ZNF76: variants seen among roughly 807,000 people sequenced by gnomAD.
ZNF76 encodes the protein zinc finger protein 523.
Under a neutral mutation model 66.9 loss-of-function variants are expected in ZNF76, and 66 were observed. The observed-to-expected ratio is 0.99, with a 90% CI of 0.81 to 1.21. ZNF76 has a LOEUF of 1.21. Ranked by LOEUF, ZNF76 falls within the 50% of genes most tolerant of loss-of-function variation. The pLI is 0.00. For missense variants in ZNF76, 729 were observed against 760.3 expected (o/e 0.96, Z 0.48); for synonymous variants, 275 against 296.1 (o/e 0.93, Z 0.73).
rs927768976 is a variant in ZNF76 at position 35,295,566 on chromosome 6, C to A, written c.*318C>A. On this transcript the variant is annotated 3_prime_UTR_variant, in exon 14 of 14. Transcript: ENST00000373953. ...ACACCCTTCTGGCCCTCAGTCTGTTCCCCTTCTCAGGTAGAGATTGGGGCT... is the reference window on the plus strand; with the variant it reads ...ACACCCTTCTGGCCCTCAGTCTGTTACCCTTCTCAGGTAGAGATTGGGGCT... 7.9e-6 allele frequency: 3 copies of A among 378,998 alleles called. No homozygotes were observed. The Admixed American group carries it at 1.1e-4, about 14-fold the overall frequency. The allele number at this position is 378,998 out of a possible 1,614,324, so 23.5% of individuals were successfully genotyped here. A position where few individuals can be genotyped will look rare whatever the true frequency, so the allele number is the denominator to read the frequency against.
chr6:35,277,827 G>A lies in ZNF76; in HGVS notation c.-96-3229G>A, dbSNP rs371687046. On this transcript the variant is annotated intron_variant, in intron 1 of 13. Transcript: ENST00000373953. Reference sequence around the variant, plus strand: ...CCTGGGGTAGAGCATTCCAATCAGCGTGTCGCAGTTGGTCTATAGGTTTTT... The same window carrying A: ...CCTGGGGTAGAGCATTCCAATCAGCATGTCGCAGTTGGTCTATAGGTTTTT... 1.6e-4 allele frequency among the ~76,000 whole-genome samples: 24 copies of A among 152,288 alleles called. No homozygotes were observed. The South Asian group carries it at 4.4e-3, about 28-fold the overall frequency.
intron 12 of ZNF76, 30 bp from the exon 13 acceptor site, chr6:35,294,426 T>C (rs1352897003): frequency 2.1e-6 from 3 of 1,457,878 alleles, no homozygotes; most frequent in Middle Eastern, 1.8e-4. Flanking sequence ...ATACTGCAGG[T>C]GGAATGGAAG....
At chr6:35,291,800 C>T (rs766732738) in intron 9 of ZNF76, 63 bp downstream of exon 9, 26 of 1,571,794 alleles carry the variant, frequency 1.7e-5, no homozygotes, top group Non-Finnish European at 2.2e-5. Flanking sequence ...CTGTAGGCTT[C>T]CCATCTAAGA....
At position 35,291,730 on chromosome 6, in the gene ZNF76, C is replaced by T. The variant is rs1290916391; in HGVS notation, c.924C>T (p.Ile308=). 2.5e-6 allele frequency: 4 copies of T among 1,607,932 alleles called. No individual in the cohort carries two copies. The highest frequency in any genetic ancestry group is 2.7e-5 in the African/African-American group (2 of 74,922). Residue 308 remains isoleucine, a synonymous_variant, in exon 9 of 14, where the codon ATC becomes ATT. Coordinates refer to ENST00000373953, the MANE Select transcript of ZNF76 (RefSeq NM_003427.5). Reference sequence around the variant, plus strand: ...CCAACTATAAGAATCACGTGCGCATCCACACAGGTGGGCTAGCTGGCATGC... The same window carrying T: ...CCAACTATAAGAATCACGTGCGCATTCACACAGGTGGGCTAGCTGGCATGC... The part of the protein sequence containing the change: ...SATNYKNHVR[I]HTGEKPYVCT...
chr6:35,290,685 CTT>C lies in ZNF76; in HGVS notation c.595_596del (p.Phe199ProfsTer23). On this transcript the variant is annotated frameshift_variant, in exon 7 of 14. Transcript: ENST00000373953. LOFTEE classifies it high-confidence loss of function. ...HTGDRPYRCD[F>X]PSCGKAFATG... Reference sequence around the variant, plus strand: ...CAGGTGACCGTCCATACAGATGTGACTTCCCCAGCTGTGGAAAGGCCTTTGCC... The same window carrying C: ...CAGGTGACCGTCCATACAGATGTGACCCCCAGCTGTGGAAAGGCCTTTGCC... 3 of 1,614,252 alleles carry C rather than the reference CTT, an allele frequency of 1.9e-6. No individual in the cohort carries two copies. Among genetic ancestry groups the C allele is most frequent in the Non-Finnish European group, 2.5e-6 (3 of 1,180,040 alleles).
chr6:35,291,478 T>G, intron 8 of ZNF76, 75 bp downstream of exon 8: 1 of 1,610,376 alleles, frequency 6.2e-7, no homozygotes, highest in Non-Finnish European at 8.5e-7. Context: ...GACTTAGACC[T>G]GGAGCCCAGT....
At position 35,291,862 on chromosome 6, in the gene ZNF76, G is replaced by C. The variant is rs557670746; in HGVS notation, c.931+125G>C. On this transcript the variant is annotated intron_variant, in intron 9 of 13. Transcript: ENST00000373953. ...CCTTCTGTGCCAGCCATTCCAGGCT[G>C]GTCTGGGGGTAGGGTATCCCCAGAA... is the stretch of plus-strand genomic sequence containing the variant. 5.1e-6 allele frequency: 6 copies of C among 1,182,142 alleles called. No homozygotes were observed. In the African/African-American group the frequency reaches 7.6e-5, roughly 15 times the overall value. 73.2% of individuals were successfully genotyped at this position (1,182,142 alleles called of 1,614,324 possible).
chr6:35,277,208 T>A (rs1306175326), intron 1 of ZNF76, among the ~76,000 whole-genome samples: 1 of 152,072 alleles, frequency 6.6e-6, no homozygotes, highest in Non-Finnish European at 1.5e-5. Context: ...AGCTTGAAGG[T>A]CAGAGCAGAC....
intron 1 of ZNF76, among the ~76,000 whole-genome samples, chr6:35,261,518 G>A (rs902891668): frequency 9.1e-5 from 2 of 21,984 alleles, no homozygotes; most frequent in African/African-American, 1.2e-4. Context: ...TTTTTGTTTG[G>A]TTGGTTGGTT....
chr6:35,292,795 G>T lies in ZNF76; in HGVS notation c.1165+8G>T. ...AGCAGCAGCAACTTGAGGGTAAGGG[G>T]AGTGGGCAGAGGGTGAGAGTGGGGA... On this transcript the variant is annotated splice_region_variant and intron_variant, in intron 10 of 13. Transcript: ENST00000373953. The surrounding 1 kb of genome is among the most constrained non-coding windows in gnomAD (Gnocchi z 4.7). 6.2e-7 allele frequency: 1 copy of T among 1,614,074 alleles called. No individual in the cohort carries two copies. The highest frequency in any genetic ancestry group is 8.5e-7 in the Non-Finnish European group (1 of 1,179,992).
At chr6:35,286,290 C>G in intron 3 of ZNF76, 32 bp from the exon 4 acceptor site, 1 of 1,613,988 alleles carries the variant, frequency 6.2e-7, no homozygotes, top group South Asian at 1.1e-5. Context: ...GCACTGAGCT[C>G]CAGGGAAAGG....
chr6:35,295,264 G>A lies in ZNF76; in HGVS notation c.*16G>A. 6.3e-7 allele frequency: 1 copy of A among 1,581,980 alleles called. No homozygotes were observed. The highest frequency in any genetic ancestry group is 8.6e-7 in the Non-Finnish European group (1 of 1,163,306). On this transcript the variant is annotated 3_prime_UTR_variant, in exon 14 of 14. Transcript: ENST00000373953. The stretch of plus-strand genomic sequence containing the variant: ...TGGCTGCTGAGTCCAAGAGGGCTGG[G>A]TCCCACACCATGCTGGAGGAAGTGC...
In ZNF76 at chr6:35,293,920, G is replaced by C. The variant is rs1371421381; in HGVS notation, c.1494+5G>C. 1.2e-6 allele frequency: 2 copies of C among 1,613,496 alleles called. No homozygotes were observed. Among genetic ancestry groups the C allele is most frequent in the African/African-American group, 2.7e-5 (2 of 75,020 alleles). On this transcript the variant is annotated splice_donor_5th_base_variant and intron_variant, in intron 12 of 13. Transcript: ENST00000373953. The stretch of plus-strand genomic sequence containing the variant: ...GATGGCACCCAGACGCAGCCCGTAT[G>C]ACCAGGCGGTTTGCTTGGGGTTTCT...
chr6:35,287,605 C>A lies in ZNF76; in HGVS notation c.233-41C>A. The A allele has an allele frequency of 1.3e-6, 2 of 1,549,578 alleles. No individual in the cohort carries two copies. The highest frequency in any genetic ancestry group is 1.7e-6 in the Non-Finnish European group (2 of 1,143,366). On this transcript the variant is annotated intron_variant, in intron 4 of 13. Coordinates refer to ENST00000373953, the MANE Select transcript of ZNF76 (RefSeq NM_003427.5). This position sits in a 1 kb window ranked among gnomAD's most constrained non-coding sequence, Gnocchi z 4.0. ...AGCTAGGGTCCCAGCTGTATCTCTT[C>A]CCCTTGTGTGGCATCAGGGCTAACC...
intron 2 of ZNF76, among the ~76,000 whole-genome samples, chr6:35,285,791 AG>A (rs1789473808): frequency 6.6e-6 from 1 of 152,230 alleles, no homozygotes; most frequent in South Asian, 2.1e-4. Context: ...TCCAGGTTTA[AG>A]GGCCATTAGT....
chr6:35,295,198 C>G lies in ZNF76; in HGVS notation c.1663C>G (p.Gln555Glu). 1 of 1,612,002 alleles carries G rather than the reference C, an allele frequency of 6.2e-7. No homozygotes were observed. The highest frequency in any genetic ancestry group is 8.5e-7 in the Non-Finnish European group (1 of 1,179,130). Residue 555 changes from glutamine to glutamate, a missense_variant, in exon 14 of 14, where the codon CAG (glutamine) becomes GAG (glutamate). By Grantham distance (29) the Gln-to-Glu change is conservative (BLOSUM62 2). Transcript: ENST00000373953. ...CATCAATGTGGCCACTGCGGCCATGCAGCAAGGGGCTGTGACCCTGGAGAC... is the reference window on the plus strand; with the variant it reads ...CATCAATGTGGCCACTGCGGCCATGGAGCAAGGGGCTGTGACCCTGGAGAC... ...EAINVATAAM[Q>E]QGAVTLETTV...
chr6:35,264,915 T>C (rs1464698415), intron 1 of ZNF76, among the ~76,000 whole-genome samples: 6 of 151,928 alleles, frequency 3.9e-5, no homozygotes, highest in African/African-American at 1.2e-4. Context: ...GGTGAGGCAG[T>C]AAGGAGGAAA....
intron 1 of ZNF76, among the ~76,000 whole-genome samples, chr6:35,276,790 GGTT>G (rs1562102145): frequency 1.0e-5 from 1 of 97,560 alleles, no homozygotes; most frequent in African/African-American, 3.5e-5. Context: ...TTTATTTATG[GGTT>G]TTTTTTTTTT....
In ZNF76 at chr6:35,292,334, T is replaced by G; in HGVS notation, c.932-220T>G. 1.7e-6 allele frequency: 1 copy of G among 587,850 alleles called. No homozygotes were observed. 36.4% of individuals were successfully genotyped at this position (587,850 alleles called of 1,614,324 possible). On this transcript the variant is annotated intron_variant, in intron 9 of 13. Coordinates refer to ENST00000373953, the MANE Select transcript of ZNF76 (RefSeq NM_003427.5). This position sits in a 1 kb window ranked among gnomAD's most constrained non-coding sequence, Gnocchi z 4.7. ...GCCCCAGCCTTGCCCTGTCCCCCGT[T>G]TCCTTTCCGCCTTGTCTCTGGATTC...
Sources: gnomAD v4.1 joint callset for allele counts (sites outside exome capture counted in the v4.1 genomes callset) on GRCh38, gnomAD v4.1.1 for gene constraint, Gnocchi (gnomAD v3.1) non-coding constraint, MANE v1.5 for transcripts, NCBI Gene and HGNC (gene_info 2026-07-23, HGNC 2026-07-21) for gene names.